TP53INP2: variants seen among roughly 807,000 people sequenced by gnomAD.
TP53INP2 encodes tumor protein p53-inducible nuclear protein 2.
A neutral mutation model predicts 17.1 loss-of-function variants in TP53INP2; 12 were observed. The observed-to-expected ratio is 0.70, with a 90% CI of 0.45 to 1.14. The LOEUF (loss-of-function observed/expected upper bound fraction) is 1.14, where lower values mean the gene tolerates loss of function less well. Ranked by LOEUF, TP53INP2 falls within the 50% of genes most tolerant of loss-of-function variation. The pLI is 0.00. For missense variants in TP53INP2, 342 were observed against 330.9 expected, an observed-to-expected ratio of 1.03 and a Z score of -0.26; for synonymous variants, 145 against 147.3, an observed-to-expected ratio of 0.98 and a Z score of 0.12.
chr20:34,709,735 TGA>T lies in TP53INP2; in HGVS notation c.413+215_413+216del, dbSNP rs1057061390. Among the ~76,000 whole-genome samples, 24 of 150,468 alleles carry T rather than the reference TGA, an allele frequency of 1.6e-4. No homozygotes were observed. The highest frequency in any genetic ancestry group is 3.3e-4 in the Admixed American group (5 of 15,194). On this transcript the variant is annotated intron_variant, in intron 4 of 4. Transcript: ENST00000374810. The surrounding 1 kb of genome is among the most constrained non-coding windows in gnomAD (Gnocchi z 5.4). Reference sequence around the variant, plus strand: ...GGCCTGAGGACGGAGGGGCGGGGCTTGAGAGGGAGGGGCGTGGCCAAGAGGCT... The same window carrying T: ...GGCCTGAGGACGGAGGGGCGGGGCTTGAGGGAGGGGCGTGGCCAAGAGGCT...
At chr20:34,708,078 T>TA (rs1988041463) in intron 2 of TP53INP2, among the ~76,000 whole-genome samples, 1 of 152,134 alleles carries the variant, frequency 6.6e-6, no homozygotes, top group Non-Finnish European at 1.5e-5. Context: ...ATTATAATGA[T>TA]AACAAGCAGA....
Position 34,709,465 on chromosome 20 carries a change from G to T in TP53INP2, c.354G>T (p.Glu118Asp), listed in dbSNP as rs762153180. 1.2e-6 allele frequency: 2 copies of T among 1,613,414 alleles called. No homozygotes were observed. Among genetic ancestry groups the T allele is most frequent in the Non-Finnish European group, 1.7e-6 (2 of 1,179,852 alleles). ...VYVTGSTIVL[E>D]PGSPSPLPDA... ...TCACCGGCAGCACCATAGTGCTAGA[G>T]CCCGGGTCCCCTTCCCCGCTCCCGG... The change falls in exon 4 of 5, where the codon GAG becomes GAT. Residue 118 changes from glutamate (E) to aspartate (D), a missense_variant. Physicochemically the swap from Glu to Asp is conservative, Grantham distance 45 (BLOSUM62 2). Coordinates refer to ENST00000374810, the MANE Select transcript of TP53INP2 (RefSeq NM_021202.3). This position sits in a 1 kb window ranked among gnomAD's most constrained non-coding sequence, Gnocchi z 5.4.
chr20:34,711,105 C>T lies in TP53INP2; in HGVS notation c.*798C>T, dbSNP rs1269514697. On this transcript the variant is annotated 3_prime_UTR_variant, in exon 5 of 5. Transcript: ENST00000374810. This position sits in a 1 kb window ranked among gnomAD's most constrained non-coding sequence, Gnocchi z 4.1. ...ACTGTGCTTGCTCAGAGAGGCCAAA[C>T]CCTGCTCCCAGGCTGAAGCCTGGAG... The T allele has an allele frequency of 2.6e-5, 4 of 152,390 alleles. No homozygotes were observed. In the East Asian group the frequency reaches 5.8e-4, roughly 22 times the overall value. 9.4% of individuals were successfully genotyped at this position (152,390 alleles called of 1,614,324 possible). A position where few individuals can be genotyped will look rare whatever the true frequency, so the allele number is the denominator to read the frequency against.
chr20:34,711,585 C>T lies in TP53INP2; in HGVS notation c.*1278C>T, dbSNP rs1395804499. 1 of 152,202 alleles carries T rather than the reference C, an allele frequency of 6.6e-6. No individual in the cohort carries two copies. The highest frequency in any genetic ancestry group is 1.5e-5 in the Non-Finnish European group (1 of 68,036). The allele number at this position is 152,202 out of a possible 1,614,324, so 9.4% of individuals were successfully genotyped here. A position where few individuals can be genotyped will look rare whatever the true frequency, so the allele number is the denominator to read the frequency against. On this transcript the variant is annotated 3_prime_UTR_variant, in exon 5 of 5. Transcript: ENST00000374810. This position sits in a 1 kb window ranked among gnomAD's most constrained non-coding sequence, Gnocchi z 4.1. ...TCTTTTCATTTTCTCCCACAGGCCT[C>T]TCTTTCTTTCTAGGTTGCTGGGGAG...
Position 34,709,732 on chromosome 20 carries a change from G to A in TP53INP2, c.413+208G>A, listed in dbSNP as rs545064246. Among the ~76,000 whole-genome samples the A allele has an allele frequency of 1.3e-5, 2 of 152,142 alleles. No homozygotes were observed. Among genetic ancestry groups the A allele is most frequent in the African/African-American group, 2.4e-5 (1 of 41,436 alleles). On this transcript the variant is annotated intron_variant, in intron 4 of 4. Transcript: ENST00000374810. The surrounding 1 kb of genome is among the most constrained non-coding windows in gnomAD (Gnocchi z 5.4). Reference sequence around the variant, plus strand: ...GCGGGCCTGAGGACGGAGGGGCGGGGCTTGAGAGGGAGGGGCGTGGCCAAG... The same window carrying A: ...GCGGGCCTGAGGACGGAGGGGCGGGACTTGAGAGGGAGGGGCGTGGCCAAG...
In TP53INP2 at chr20:34,704,451, G is replaced by C. The variant is rs959901583; in HGVS notation, c.-228G>C. The C allele has an allele frequency of 6.6e-6, 1 of 151,818 alleles. No homozygotes were observed. Among genetic ancestry groups the C allele is most frequent in the East Asian group, 1.9e-4 (1 of 5,142 alleles). The allele number at this position is 151,818 out of a possible 1,614,324, so 9.4% of individuals were successfully genotyped here. ...GCGGCCCGGCCTGTGAGCGGCCGGC[G>C]ACCCTGGGACGCCCCGCCGCACAAC... On this transcript the variant is annotated 5_prime_UTR_variant, in exon 1 of 5. Transcript: ENST00000374810.
rs1988158738 is a variant in TP53INP2, at chr20:34,710,394, C to T, written c.*87C>T. 1 of 1,233,338 alleles carries T rather than the reference C, an allele frequency of 8.1e-7. No homozygotes were observed. Among genetic ancestry groups the T allele is most frequent in the African/African-American group, 1.6e-5 (1 of 64,350 alleles). 76.4% of individuals were successfully genotyped at this position (1,233,338 alleles called of 1,614,324 possible). ...TCCTCGGGCTGGACACCGAAACCTC[C>T]CTTCTTAAAGCGTGTGAGGTTGGGT... On this transcript the variant is annotated 3_prime_UTR_variant, in exon 5 of 5. Coordinates refer to ENST00000374810, the MANE Select transcript of TP53INP2 (RefSeq NM_021202.3). This position sits in a 1 kb window ranked among gnomAD's most constrained non-coding sequence, Gnocchi z 4.9.
Position 34,712,362 on chromosome 20 carries a change from G to A in TP53INP2, c.*2055G>A, listed in dbSNP as rs1023224109. ...CCATGATCCTTCTGGTGGGGGAAGAGTTTAAGTTATAGGGCATTTGGCTCA... is the reference window on the plus strand; with the variant it reads ...CCATGATCCTTCTGGTGGGGGAAGAATTTAAGTTATAGGGCATTTGGCTCA... On this transcript the variant is annotated 3_prime_UTR_variant, in exon 5 of 5. Coordinates refer to ENST00000374810, the MANE Select transcript of TP53INP2 (RefSeq NM_021202.3). 2.0e-5 allele frequency: 3 copies of A among 152,638 alleles called. No individual in the cohort carries two copies. The highest frequency in any genetic ancestry group is 7.2e-5 in the African/African-American group (3 of 41,428). 9.5% of individuals were successfully genotyped at this position (152,638 alleles called of 1,614,324 possible).
Position 34,712,867 on chromosome 20 carries a change from T to C in TP53INP2, c.*2560T>C, listed in dbSNP as rs1988241998. ...GTTTCTAGAGTGAGTCCCAGTTACA[T>C]CAAACAGTGACTTCCAGTTATTCCC... On this transcript the variant is annotated 3_prime_UTR_variant, in exon 5 of 5. Transcript: ENST00000374810. 1 of 152,664 alleles carries C rather than the reference T, an allele frequency of 6.6e-6. No homozygotes were observed. Among genetic ancestry groups the C allele is most frequent in the Admixed American group, 6.5e-5 (1 of 15,282 alleles). 9.5% of individuals were successfully genotyped at this position (152,664 alleles called of 1,614,324 possible).
At position 34,713,402 on chromosome 20, in the gene TP53INP2, TAAAGAA is replaced by T. The variant is rs1485517916; in HGVS notation, c.*3099_*3104del. 1 of 152,586 alleles carries T rather than the reference TAAAGAA, an allele frequency of 6.6e-6. No individual in the cohort carries two copies. The highest frequency in any genetic ancestry group is 1.5e-5 in the Non-Finnish European group (1 of 68,024). The allele number at this position is 152,586 out of a possible 1,614,324, so 9.5% of individuals were successfully genotyped here. On this transcript the variant is annotated 3_prime_UTR_variant, in exon 5 of 5. Transcript: ENST00000374810. ...CCTCTATGGGAGAAAAAAATTAATA[TAAAGAA>T]AAACAAATAAAAATATATTTAAAGC...
chr20:34,710,006 G>GCCCCC lies in TP53INP2; in HGVS notation c.414-52_414-51insCCCCC. 8.0e-7 allele frequency: 1 copy of GCCCCC among 1,244,694 alleles called. No individual in the cohort carries two copies. Among genetic ancestry groups the GCCCCC allele is most frequent in the East Asian group, 3.3e-5 (1 of 29,910 alleles). The allele number at this position is 1,244,694 out of a possible 1,614,324, so 77.1% of individuals were successfully genotyped here. A position where few individuals can be genotyped will look rare whatever the true frequency, so the allele number is the denominator to read the frequency against. Reference sequence around the variant, plus strand: ...GGGTGGGAGATGGCAGCGCCCTCTAGACCCCCCGCCCAGCTTACCCGGCTT... The same window carrying GCCCCC: ...GGGTGGGAGATGGCAGCGCCCTCTAGCCCCCACCCCCCGCCCAGCTTACCCGGCTT... On this transcript the variant is annotated intron_variant, in intron 4 of 4. Transcript: ENST00000374810. The surrounding 1 kb of genome is among the most constrained non-coding windows in gnomAD (Gnocchi z 4.9).
In TP53INP2 at chr20:34,713,081, C is replaced by G. The variant is rs911916111; in HGVS notation, c.*2774C>G. 6.5e-6 allele frequency: 1 copy of G among 152,698 alleles called. No homozygotes were observed. Among genetic ancestry groups the G allele is most frequent in the Non-Finnish European group, 1.5e-5 (1 of 68,086 alleles). 9.5% of individuals were successfully genotyped at this position (152,698 alleles called of 1,614,324 possible). On this transcript the variant is annotated 3_prime_UTR_variant, in exon 5 of 5. Transcript: ENST00000374810. The stretch of plus-strand genomic sequence containing the variant: ...TGTCTTAGGTGCAACACGGACCCCA[C>G]CAGAGCTCTTGGATACCCCCCTAGA...
rs1316777527 is a variant in TP53INP2, at chr20:34,710,310, G to T, written c.*3G>T. The T allele has an allele frequency of 7.3e-7, 1 of 1,369,932 alleles. No homozygotes were observed. Among genetic ancestry groups the T allele is most frequent in the Non-Finnish European group, 9.5e-7 (1 of 1,048,276 alleles). 84.9% of individuals were successfully genotyped at this position (1,369,932 alleles called of 1,614,324 possible). ...GCCAGCGCCAGTTCAACTACTGAGCGTCCACCGGCCGCGCCACGAACCCCT... is the reference window on the plus strand; with the variant it reads ...GCCAGCGCCAGTTCAACTACTGAGCTTCCACCGGCCGCGCCACGAACCCCT... On this transcript the variant is annotated 3_prime_UTR_variant, in exon 5 of 5. Coordinates refer to ENST00000374810, the MANE Select transcript of TP53INP2 (RefSeq NM_021202.3). The surrounding 1 kb of genome is among the most constrained non-coding windows in gnomAD (Gnocchi z 4.9).
intron 2 of TP53INP2, among the ~76,000 whole-genome samples, chr20:34,707,056 C>T (rs1205727003): frequency 6.6e-6 from 1 of 152,080 alleles, no homozygotes; most frequent in African/African-American, 2.4e-5. Context: ...AGTAGGGGGC[C>T]TCCCTCTTCA....
In TP53INP2 at chr20:34,711,646, C is replaced by G. The variant is rs1361679821; in HGVS notation, c.*1339C>G. The G allele has an allele frequency of 6.6e-6, 1 of 152,500 alleles. No individual in the cohort carries two copies. The highest frequency in any genetic ancestry group is 1.5e-5 in the Non-Finnish European group (1 of 68,024). The allele number at this position is 152,500 out of a possible 1,614,324, so 9.4% of individuals were successfully genotyped here. ...CCTATGATCCCCCTCCCCTTCTCCT[C>G]CAGTAAATACCTGGAAGAGGGAACC... On this transcript the variant is annotated 3_prime_UTR_variant, in exon 5 of 5. Transcript: ENST00000374810. The surrounding 1 kb of genome is among the most constrained non-coding windows in gnomAD (Gnocchi z 4.1).
At position 34,710,500 on chromosome 20, in the gene TP53INP2, C is replaced by T. The variant is rs530477252; in HGVS notation, c.*193C>T. ...GCCTCTGAACCCATTCACCCTTCAC[C>T]CTCACTCCTGGTCCCCATACCCAGC... On this transcript the variant is annotated 3_prime_UTR_variant, in exon 5 of 5. Transcript: ENST00000374810. This position sits in a 1 kb window ranked among gnomAD's most constrained non-coding sequence, Gnocchi z 4.9. The T allele has an allele frequency of 4.3e-4, 231 of 538,274 alleles. 1 individual carries two copies. The highest frequency in any genetic ancestry group is 7.1e-4 in the South Asian group (8 of 11,304). The allele number at this position is 538,274 out of a possible 1,614,324, so 33.3% of individuals were successfully genotyped here.
Position 34,709,279 on chromosome 20 carries a change from C to G in TP53INP2, c.168C>G (p.Pro56=). 6.2e-7 allele frequency: 1 copy of G among 1,602,842 alleles called. No homozygotes were observed. Among genetic ancestry groups the G allele is most frequent in the Non-Finnish European group, 8.5e-7 (1 of 1,174,854 alleles). Residue 56 remains proline, a synonymous_variant, in exon 4 of 5, where the codon CCC becomes CCG. Transcript: ENST00000374810. The surrounding 1 kb of genome is among the most constrained non-coding windows in gnomAD (Gnocchi z 5.4). ...CCAGCCCCGGGGCCGCCCCTGCCCC[C>G]GCGGGCCGCCCTCCGCCCGCGCCCT... ...APPSPGAAPA[P]AGRPPPAPSL...
At position 34,710,006 on chromosome 20, in the gene TP53INP2, G is replaced by GTC; in HGVS notation, c.414-52_414-51insTC. 8.0e-7 allele frequency: 1 copy of GTC among 1,244,696 alleles called. No homozygotes were observed. The highest frequency in any genetic ancestry group is 2.7e-5 in the South Asian group (1 of 36,900). The allele number at this position is 1,244,696 out of a possible 1,614,324, so 77.1% of individuals were successfully genotyped here. A position where few individuals can be genotyped will look rare whatever the true frequency, so the allele number is the denominator to read the frequency against. ...GGGTGGGAGATGGCAGCGCCCTCTA[G>GTC]ACCCCCCGCCCAGCTTACCCGGCTT... On this transcript the variant is annotated intron_variant, in intron 4 of 4. Coordinates refer to ENST00000374810, the MANE Select transcript of TP53INP2 (RefSeq NM_021202.3). The surrounding 1 kb of genome is among the most constrained non-coding windows in gnomAD (Gnocchi z 4.9).
In TP53INP2 at chr20:34,708,823, G is replaced by A. The variant is rs371638437; in HGVS notation, c.84G>A (p.Glu28=). ...ACTGCCCCCGCGCCTTCGTGTCGGA[G>A]GAGGATGAAGTGGACGGCTGGCTCA... is the stretch of plus-strand genomic sequence containing the variant. ...DPDCPRAFVS[E]EDEVDGWLII... is the part of the protein sequence containing the mutation. The change falls in exon 3 of 5, where the codon GAG becomes GAA. Residue 28 remains glutamate (E), a synonymous_variant. Transcript: ENST00000374810. 7 of 1,613,016 alleles carry A rather than the reference G, an allele frequency of 4.3e-6. No homozygotes were observed. The highest frequency in any genetic ancestry group is 5.9e-6 in the Non-Finnish European group (7 of 1,179,492).
Sources: allele counts gnomAD v4.1 joint callset (sites outside exome capture counted in the v4.1 genomes callset), GRCh38; gene constraint gnomAD v4.1.1; non-coding constraint Gnocchi (gnomAD v3.1); transcripts MANE v1.5; gene names NCBI Gene and HGNC (gene_info 2026-07-23, HGNC 2026-07-21).